TGFB1: variants seen among roughly 807,000 people sequenced by gnomAD.
The protein encoded by TGFB1 is transforming growth factor beta 1, also known as transforming growth factor beta-1 proprotein.
A neutral mutation model predicts 43.8 loss-of-function variants in TGFB1; 19 were observed. That is an observed-to-expected ratio of 0.43 (90% CI 0.30 to 0.64). The LOEUF is 0.64. Among genes scored for constraint, TGFB1 ranks in the 30% least tolerant of loss-of-function variants. The pLI is 0.11. For missense variants in TGFB1, 445 were observed against 529.8 expected (o/e 0.84, Z 1.57); for synonymous variants, 221 against 236.3 (o/e 0.94, Z 0.60).
Position 41,332,127 on chromosome 19 carries a change from C to T in TGFB1, c.1014+1G>A. On this transcript the variant is annotated splice_donor_variant, in intron 6 of 6. Coordinates refer to ENST00000221930, the MANE Select transcript of TGFB1 (RefSeq NM_000660.7). LOFTEE classifies it high-confidence loss of function. Reference sequence around the variant, plus strand: ...CTCGTAGCCCGGTGGGCCAGACGTACCTTGCTGTACTGCGTGTCCAGGCTC... The same window carrying T: ...CTCGTAGCCCGGTGGGCCAGACGTATCTTGCTGTACTGCGTGTCCAGGCTC... 1 of 1,610,976 alleles carries T rather than the reference C, an allele frequency of 6.2e-7. No individual in the cohort carries two copies. Among genetic ancestry groups the T allele is most frequent in the Non-Finnish European group, 8.5e-7 (1 of 1,177,356 alleles).
rs1454205854 is a variant in TGFB1, at chr19:41,342,170, C to T, written c.712G>A (p.Gly238Arg). ...RDNTLQVDIN[G>R]FTTGRRGDLA... is the part of the protein sequence containing the mutation. ...GCATGGCCGGGGAAGCAGGCCTCAC[C>T]GTTGATGTCCACTTGCAGTGTGTTA... The change falls in exon 4 of 7, where the codon GGG becomes AGG. Residue 238 changes from glycine (G) to arginine (R), a missense_variant and splice_region_variant. By Grantham distance (125) the Gly-to-Arg change is moderately radical. Coordinates refer to ENST00000221930, the MANE Select transcript of TGFB1 (RefSeq NM_000660.7). 1 of 1,609,778 alleles carries T rather than the reference C, an allele frequency of 6.2e-7. No homozygotes were observed. Among genetic ancestry groups the T allele is most frequent in the South Asian group, 1.1e-5 (1 of 90,318 alleles).
At chr19:41,350,254 T>C (rs1391740815) in intron 1 of TGFB1, among the ~76,000 whole-genome samples, 1 of 152,094 alleles carries the variant, frequency 6.6e-6, no homozygotes, top group Non-Finnish European at 1.5e-5. Flanking sequence ...TGAAGTTCAT[T>C]CTGGGTAGGA....
intron 2 of TGFB1, among the ~76,000 whole-genome samples, chr19:41,346,210 T>C (rs1989457): frequency 0.61 from 93,259 of 151,876 alleles, 29,788 homozygotes; most frequent in African/African-American, 0.78. Context: ...ATTAGCTAGG[T>C]GTGGTGGTGC....
intron 2 of TGFB1, among the ~76,000 whole-genome samples, chr19:41,345,264 A>G (rs1015200709): frequency 2.6e-5 from 4 of 152,166 alleles, no homozygotes; most frequent in African/African-American, 7.2e-5. Context: ...TGGGAGCCCA[A>G]GGTGGGTGGA....
Position 41,353,342 on chromosome 19 carries a change from T to G in TGFB1, c.-298A>C. On this transcript the variant is annotated 5_prime_UTR_variant, in exon 1 of 7. Coordinates refer to ENST00000221930, the MANE Select transcript of TGFB1 (RefSeq NM_000660.7). This position sits in a 1 kb window ranked among gnomAD's most constrained non-coding sequence, Gnocchi z 5.9. ...TCCGTCTCCTGGAGGAGAAAGGGTCTAGGATGCGCGGGGGCTCAGGAGACA... is the reference window on the plus strand; with the variant it reads ...TCCGTCTCCTGGAGGAGAAAGGGTCGAGGATGCGCGGGGGCTCAGGAGACA... 2 of 350,516 alleles carry G rather than the reference T, an allele frequency of 5.7e-6. No individual in the cohort carries two copies. The highest frequency in any genetic ancestry group is 4.9e-5 in the East Asian group (1 of 20,510). 21.7% of individuals were successfully genotyped at this position (350,516 alleles called of 1,614,324 possible).
intron 5 of TGFB1, among the ~76,000 whole-genome samples, chr19:41,332,793 G>A (rs1599882749): frequency 2.6e-5 from 4 of 152,172 alleles, no homozygotes; most frequent in South Asian, 2.1e-4. Flanking sequence ...CGCTGGAGTC[G>A]AGGAGTTCGA....
intron 2 of TGFB1, among the ~76,000 whole-genome samples, chr19:41,347,876 G>A (rs989096337): frequency 6.7e-5 from 10 of 148,900 alleles, no homozygotes; most frequent in Non-Finnish European, 1.3e-4. Flanking sequence ...GCTCACGCCT[G>A]TAATCTGAGC....
rs530534755 is a variant in TGFB1 at position 41,342,033 on chromosome 19, G to C, written c.713-3C>G. On this transcript the variant is annotated splice_polypyrimidine_tract_variant and splice_region_variant and intron_variant, in intron 4 of 6. Transcript: ENST00000221930. ...ACCTCGGCGGCCGGTAGTGAACCCT[G>C]CTTTGGTGTGGGAGTCAGGGGATAG... 1.2e-6 allele frequency: 2 copies of C among 1,614,146 alleles called. No homozygotes were observed. The highest frequency in any genetic ancestry group is 4.5e-5 in the East Asian group (2 of 44,888).
At chr19:41,331,566 CTTTTTTTTT>C (rs3061187) in intron 6 of TGFB1, among the ~76,000 whole-genome samples, 28 of 77,506 alleles carry the variant, frequency 3.6e-4, no homozygotes, top group Admixed American at 2.3e-3. Context: ...CCACTCCTAG[CTTTTTTTTT>C]TTTTTTTTTT....
intron 1 of TGFB1, among the ~76,000 whole-genome samples, chr19:41,352,290 G>C (rs2038210512): frequency 6.6e-6 from 1 of 151,784 alleles, no homozygotes; most frequent in Non-Finnish European, 1.5e-5. Context: ...CCAAATGCTG[G>C]GGTCTTCGCT....
At position 41,338,764 on chromosome 19, in the gene TGFB1, G is replaced by A. The variant is rs373973233; in HGVS notation, c.860+3119C>T. 7.2e-4 allele frequency among the ~76,000 whole-genome samples: 109 copies of A among 151,774 alleles called. 2 individuals are homozygous for A. The East Asian group carries it at 0.019, about 26-fold the overall frequency. ...TGAAGCAAGAGAATCACTTGAACCC[G>A]GGAGGCAGAAGCTGCAGTGAGCCGA... On this transcript the variant is annotated intron_variant, in intron 5 of 6. Transcript: ENST00000221930.
intron 5 of TGFB1, among the ~76,000 whole-genome samples, chr19:41,337,975 T>C (rs2038006673): frequency 6.6e-6 from 1 of 152,178 alleles, no homozygotes; most frequent in African/African-American, 2.4e-5. Context: ...ATGGATCACC[T>C]GAGGTCAGGA....
intron 5 of TGFB1, among the ~76,000 whole-genome samples, chr19:41,333,209 A>ATTTTTT (rs1161079448): frequency 1.2e-5 from 1 of 86,382 alleles, no homozygotes; most frequent in African/African-American, 5.2e-5. Flanking sequence ...TTTTTTTTCT[A>ATTTTTT]TTTTTTTTTT....
intron 5 of TGFB1, among the ~76,000 whole-genome samples, chr19:41,336,139 GCA>G (rs1193753764): frequency 6.6e-6 from 1 of 151,624 alleles, no homozygotes; most frequent in Non-Finnish European, 1.5e-5. Context: ...GGGATTACAG[GCA>G]CACACCACCA....
At chr19:41,336,476 C>T (rs2037989719) in intron 5 of TGFB1, among the ~76,000 whole-genome samples, 1 of 151,862 alleles carries the variant, frequency 6.6e-6, no homozygotes, top group Admixed American at 6.6e-5. Context: ...CCTCCAGCTC[C>T]TGGGGCTCAA....
At chr19:41,336,549 C>T (rs1435603589) in intron 5 of TGFB1, among the ~76,000 whole-genome samples, 2 of 148,910 alleles carry the variant, frequency 1.3e-5, no homozygotes, top group Middle Eastern at 3.4e-3. Context: ...CCAGGCCCAG[C>T]TACTTTTCAT....
At chr19:41,338,712 A>T (rs1599886096) in intron 5 of TGFB1, among the ~76,000 whole-genome samples, 2 of 151,028 alleles carry the variant, frequency 1.3e-5, no homozygotes, top group Admixed American at 1.3e-4. Context: ...GGCGGTGGGC[A>T]CCTGTGGTCC....
chr19:41,332,266 GTTC>G lies in TGFB1; in HGVS notation c.873_875del (p.Lys291del), dbSNP rs774427089. 6 of 1,613,974 alleles carry G rather than the reference GTTC, an allele frequency of 3.7e-6. No individual in the cohort carries two copies. Among genetic ancestry groups the G allele is most frequent in the African/African-American group, 1.3e-5 (1 of 75,042 alleles). On this transcript the variant is annotated inframe_deletion, in exon 6 of 7. Transcript: ENST00000221930. The stretch of plus-strand genomic sequence containing the variant: ...CAATGTACAGCTGCCGCACGCAGCA[GTTC>G]TTCTCCGTGGAGCTGCAGGCAGGAG...
At position 41,342,090 on chromosome 19, in the gene TGFB1, A is replaced by G. The variant is rs2038063019; in HGVS notation, c.713-60T>C. The G allele has an allele frequency of 5.0e-6, 8 of 1,613,740 alleles. No individual in the cohort carries two copies. In the South Asian group the frequency reaches 5.5e-5, roughly 11 times the overall value. On this transcript the variant is annotated intron_variant, in intron 4 of 6. Coordinates refer to ENST00000221930, the MANE Select transcript of TGFB1 (RefSeq NM_000660.7). ...TACACACACACTCTCAGAGGGATAG[A>G]TAAGTGGGGCGTGGGGCAGATGGGA...
Sources: gnomAD v4.1 joint callset for allele counts (sites outside exome capture counted in the v4.1 genomes callset) on GRCh38, gnomAD v4.1.1 for gene constraint, Gnocchi (gnomAD v3.1) non-coding constraint, MANE v1.5 for transcripts, NCBI Gene and HGNC (gene_info 2026-07-23, HGNC 2026-07-21) for gene names.